The following ALDH8A1 variants were observed in gnomAD, a reference collection of about 807,000 sequenced individuals.
ALDH8A1 encodes the protein aldehyde dehydrogenase 8 family member A1.
ALDH8A1 carries 39 observed loss-of-function variants against 43.3 expected under a neutral mutation model. The ratio of observed to expected loss-of-function variants is 0.90; its 90% CI spans 0.70 to 1.18. ALDH8A1 has a LOEUF of 1.18. ALDH8A1 is among the 50% of genes most tolerant of loss of function. ALDH8A1 has a pLI of 0.00. For synonymous variants in ALDH8A1, 233 were observed against 243.5 expected (o/e 0.96, Z 0.40); for missense variants, 605 against 622.6 (o/e 0.97, Z 0.30).
chr6:134,927,307 A>AAAAAAGAAG (rs538376807), intron 6 of ALDH8A1, among the ~76,000 whole-genome samples: 1 of 147,886 alleles, frequency 6.8e-6, no homozygotes, highest in African/African-American at 2.7e-5. Context: ...GTTAAAAAAG[A>AAAAAAGAAG]AAGAAGAAGA....
At chr6:134,938,004 T>C (rs1773776275) in intron 4 of ALDH8A1, among the ~76,000 whole-genome samples, 1 of 152,160 alleles carries the variant, frequency 6.6e-6, no homozygotes, top group East Asian at 1.9e-4. Context: ...TTCATCTTCC[T>C]CGTGGAGTAA....
chr6:134,918,808 T>C lies in ALDH8A1; in HGVS notation c.1071A>G (p.Gly357=). The stretch of plus-strand genomic sequence containing the variant: ...TGGCAGGGAGGCTCAACTTATCCAC[T>C]CCCTCACCGCACCAAATTTGGGCAC... ...AEGAQIWCGE[G]VDKLSLPARN... is the part of the protein sequence containing the mutation. Residue 357 remains glycine, a synonymous_variant, in exon 7 of 7, where the codon GGA becomes GGG. Transcript: ENST00000265605. 6.2e-7 allele frequency: 1 copy of C among 1,614,178 alleles called. No homozygotes were observed. The highest frequency in any genetic ancestry group is 8.5e-7 in the Non-Finnish European group (1 of 1,180,018).
chr6:134,933,111 G>A (rs923073997), intron 4 of ALDH8A1, 79 bp from the exon 5 acceptor site: 1 of 1,434,622 alleles, frequency 7.0e-7, no homozygotes, highest in African/African-American at 1.4e-5. Context: ...CTCCTTTAAA[G>A]TCCAATCGCT....
At chr6:134,919,758 T>C (rs1233796514) in intron 6 of ALDH8A1, among the ~76,000 whole-genome samples, 3 of 152,228 alleles carry the variant, frequency 2.0e-5, no homozygotes, top group Admixed American at 6.5e-5. Flanking sequence ...TTTTTACTTA[T>C]CTATCGAGCA....
chr6:134,924,050 G>T (rs1776847030), intron 6 of ALDH8A1, among the ~76,000 whole-genome samples: 1 of 152,192 alleles, frequency 6.6e-6, no homozygotes, highest in South Asian at 2.1e-4. Context: ...AGGACAAGGG[G>T]AGCCCGAGGG....
chr6:134,944,210 G>A (rs1773912947), intron 1 of ALDH8A1: 9 of 421,320 alleles, frequency 2.1e-5, no homozygotes, highest in African/African-American at 6.1e-5. Flanking sequence ...TGGGATTACA[G>A]GCATGTGCCA....
intron 6 of ALDH8A1, among the ~76,000 whole-genome samples, chr6:134,923,697 ATAATAAGTGGTT>A (rs1240863478): frequency 6.6e-6 from 1 of 152,212 alleles, no homozygotes; most frequent in Non-Finnish European, 1.5e-5. Flanking sequence ...AATATTGAAT[ATAATAAGTGGTT>A]TAGATCTATT....
Position 134,918,565 on chromosome 6 carries a change from C to T in ALDH8A1, c.1314G>A (p.Leu438=). 6.2e-7 allele frequency: 1 copy of T among 1,614,242 alleles called. No individual in the cohort carries two copies. The highest frequency in any genetic ancestry group is 8.5e-7 in the Non-Finnish European group (1 of 1,180,048). Reference sequence around the variant, plus strand: ...AGTTGGTCCAGACCAAGCCAGACTGCAGCTTCTTAGCCACCCGGTGGACGC... The same window carrying T: ...AGTTGGTCCAGACCAAGCCAGACTGTAGCTTCTTAGCCACCCGGTGGACGC... The part of the protein sequence containing the change: ...VGRVHRVAKK[L]QSGLVWTNCW... The change falls in exon 7 of 7, where the codon CTG becomes CTA. Residue 438 remains leucine, a synonymous_variant. Transcript: ENST00000265605.
At chr6:134,945,591 A>G (rs1208589349) in intron 1 of ALDH8A1, among the ~76,000 whole-genome samples, 2 of 151,906 alleles carry the variant, frequency 1.3e-5, no homozygotes, top group Non-Finnish European at 2.9e-5. Flanking sequence ...TCCCTAACCC[A>G]TGTCTCACTC....
chr6:134,928,687 AT>A (rs1352192029), intron 6 of ALDH8A1, among the ~76,000 whole-genome samples: 1 of 152,250 alleles, frequency 6.6e-6, no homozygotes, highest in African/African-American at 2.4e-5. Context: ...ACTTCTGGCT[AT>A]AAACCAGAGG....
chr6:134,932,849 G>A lies in ALDH8A1; in HGVS notation c.776C>T (p.Pro259Leu). ...GTTGGCGTCCTCAAAGATGATGGCA[G>A]GATTCTTGCCCCCCAGCTCCAGGGA... ...KLSLELGGKN[P>L]AIIFEDANLD... Residue 259 changes from proline to leucine, a missense_variant, in exon 5 of 7, where the codon CCT becomes CTT. Pro to Leu is a moderately conservative substitution (Grantham distance 98, BLOSUM62 -3). Coordinates refer to ENST00000265605, the MANE Select transcript of ALDH8A1 (RefSeq NM_022568.4). 1 of 1,614,222 alleles carries A rather than the reference G, an allele frequency of 6.2e-7. No homozygotes were observed. The highest frequency in any genetic ancestry group is 8.5e-7 in the Non-Finnish European group (1 of 1,180,042).
At chr6:134,934,981 A>G (rs1773703421) in intron 4 of ALDH8A1, among the ~76,000 whole-genome samples, 1 of 152,096 alleles carries the variant, frequency 6.6e-6, no homozygotes, top group Admixed American at 6.5e-5. Context: ...TTTCATAAAT[A>G]TTCATGACTC....
chr6:134,949,819 C>T (rs1774012614), intron 1 of ALDH8A1, 97 bp downstream of exon 1: 15 of 1,373,780 alleles, frequency 1.1e-5, no homozygotes, highest in Middle Eastern at 2.1e-4. Flanking sequence ...AACAATCCTA[C>T]ATCTTCCCCC....
At position 134,942,454 on chromosome 6, in the gene ALDH8A1, G is replaced by T; in HGVS notation, c.397C>A (p.His133Asn). Residue 133 changes from histidine to asparagine, a missense_variant, in exon 3 of 7, where the codon CAC becomes AAC. Coordinates refer to ENST00000265605, the MANE Select transcript of ALDH8A1 (RefSeq NM_022568.4). Reference protein sequence around the residue: ...HHTSECTQMDHLGCMHYTVRA... With the variant: ...HHTSECTQMDNLGCMHYTVRA... ...ACCGTGTAGTGCATGCAGCCCAGGT[G>T]GTCCATCTGCGTGCACTCTGACGTG... 3 of 1,614,180 alleles carry T rather than the reference G, an allele frequency of 1.9e-6. No individual in the cohort carries two copies. Among genetic ancestry groups the T allele is most frequent in the South Asian group, 1.1e-5 (1 of 91,084 alleles).
rs1053140938 is a variant in ALDH8A1, at chr6:134,926,748, G to A, written c.1011+2306C>T. Among the ~76,000 whole-genome samples the A allele has an allele frequency of 5.9e-5, 9 of 151,910 alleles. No individual in the cohort carries two copies. In the South Asian group the frequency reaches 8.3e-4, roughly 14 times the overall value. On this transcript the variant is annotated intron_variant, in intron 6 of 6. Transcript: ENST00000265605. Reference sequence around the variant, plus strand: ...TGCTTGAACCCAGGAGGTGGAGGTTGCAGTGAGCCAAGACCACGCCATTGC... The same window carrying A: ...TGCTTGAACCCAGGAGGTGGAGGTTACAGTGAGCCAAGACCACGCCATTGC...
intron 3 of ALDH8A1, among the ~76,000 whole-genome samples, chr6:134,941,695 T>C (rs1773857775): frequency 6.6e-6 from 1 of 152,022 alleles, no homozygotes; most frequent in African/African-American, 2.4e-5. Flanking sequence ...CGGTGAATTT[T>C]TGTATTTTTA....
At chr6:134,938,058 C>T (rs1293074575) in intron 4 of ALDH8A1, among the ~76,000 whole-genome samples, 1 of 152,190 alleles carries the variant, frequency 6.6e-6, no homozygotes, top group Non-Finnish European at 1.5e-5. Context: ...TATGTCTGTG[C>T]TTCTAAGAAA....
At chr6:134,932,729 C>A in intron 5 of ALDH8A1, 47 bp downstream of exon 5, 2 of 1,594,632 alleles carry the variant, frequency 1.3e-6, no homozygotes, top group Non-Finnish European at 8.5e-7. Flanking sequence ...ACAGATCCAG[C>A]TTGACAGGGC....
Position 134,946,782 on chromosome 6 carries a change from G to A in ALDH8A1, c.139-2816C>T, listed in dbSNP as rs562726045. The stretch of plus-strand genomic sequence containing the variant: ...TATGCACACAGGTGCGCATGTGTGC[G>A]CGCGCGCACAGGTGCGCATGTGTGC... On this transcript the variant is annotated intron_variant, in intron 1 of 6. Coordinates refer to ENST00000265605, the MANE Select transcript of ALDH8A1 (RefSeq NM_022568.4). Among the ~76,000 whole-genome samples the A allele has an allele frequency of 1.1e-3, 168 of 149,180 alleles. 6 individuals are homozygous for A. Among genetic ancestry groups the A allele is most frequent in the Non-Finnish European group, 4.1e-4 (28 of 67,958 alleles).
Sources: allele counts gnomAD v4.1 joint callset (sites outside exome capture counted in the v4.1 genomes callset), GRCh38; gene constraint gnomAD v4.1.1; transcripts MANE v1.5; gene names NCBI Gene and HGNC (gene_info 2026-07-23, HGNC 2026-07-21).